HYCC1: variants seen among roughly 807,000 people sequenced by gnomAD.
HYCC1 encodes the protein hyccin.
the HYCC1 span, among the ~76,000 whole-genome samples, chr7:22,985,036 CT>C: frequency 6.6e-6 from 1 of 152,034 alleles, no homozygotes; most frequent in Non-Finnish European, 1.5e-5. Context: ...AAAACCTTTC[CT>C]TCTGGAGCAC....
At chr7:22,910,210 C>T in the HYCC1 span, among the ~76,000 whole-genome samples, 1 of 152,166 alleles carries the variant, frequency 6.6e-6, no homozygotes, top group Non-Finnish European at 1.5e-5. Flanking sequence ...GGGAGGTATG[C>T]AGGTCATAGG....
At chr7:23,004,574 T>G in the HYCC1 span, among the ~76,000 whole-genome samples, 1 of 152,164 alleles carries the variant, frequency 6.6e-6, no homozygotes, top group Non-Finnish European at 1.5e-5. Flanking sequence ...TTAGTCTTAT[T>G]TTTCTTTACA....
chr7:22,964,302 A>G, the HYCC1 span: 2 of 713,032 alleles, frequency 2.8e-6, no homozygotes, highest in South Asian at 1.6e-5. Context: ...ATATTTCACA[A>G]AAAGTATGCA....
chr7:22,916,833 A>G, the HYCC1 span, among the ~76,000 whole-genome samples: 1 of 152,136 alleles, frequency 6.6e-6, no homozygotes. Context: ...AGCTGAACTC[A>G]TTGCCTTAAC....
At chr7:22,904,233 C>A in the HYCC1 span, among the ~76,000 whole-genome samples, 1 of 151,700 alleles carries the variant, frequency 6.6e-6, no homozygotes, top group Non-Finnish European at 1.5e-5. Flanking sequence ...AGATCGAGAC[C>A]ATCTTGGCTA....
At chr7:22,905,712 A>G in the HYCC1 span, among the ~76,000 whole-genome samples, 1 of 152,150 alleles carries the variant, frequency 6.6e-6, no homozygotes, top group Non-Finnish European at 1.5e-5. Flanking sequence ...TATACATGGC[A>G]TCATGCATTC....
chr7:22,926,360 A>T, the HYCC1 span, among the ~76,000 whole-genome samples: 2 of 152,192 alleles, frequency 1.3e-5, no homozygotes, highest in South Asian at 4.1e-4. Context: ...AATGGGCTAA[A>T]TGCTCCAATT....
the HYCC1 span, among the ~76,000 whole-genome samples, chr7:22,987,588 A>C: frequency 6.6e-6 from 1 of 152,194 alleles, no homozygotes; most frequent in Non-Finnish European, 1.5e-5. Context: ...GTCCATAGCT[A>C]GAGCAGACAA....
At chr7:22,918,604 CAAATGAAGAATCACTAAAG>C in the HYCC1 span, among the ~76,000 whole-genome samples, 1 of 152,166 alleles carries the variant, frequency 6.6e-6, no homozygotes, top group African/African-American at 2.4e-5. Context: ...TGGCCTGAAG[CAAATGAAGAATCACTAAAG>C]AAGTGAAAAT....
the HYCC1 span, among the ~76,000 whole-genome samples, chr7:22,971,090 T>C: frequency 6.6e-6 from 1 of 151,872 alleles, no homozygotes; most frequent in African/African-American, 2.4e-5. Flanking sequence ...ATTCTCATTC[T>C]CTGGTGAGAG....
the HYCC1 span, among the ~76,000 whole-genome samples, chr7:22,994,778 G>A: frequency 2.0e-5 from 3 of 152,092 alleles, no homozygotes; most frequent in African/African-American, 7.2e-5. Flanking sequence ...ACCACTGTCT[G>A]CTTTAGGTCC....
the HYCC1 span, chr7:22,943,876 G>A: frequency 5.2e-5 from 8 of 152,568 alleles, no homozygotes; most frequent in African/African-American, 1.7e-4. Context: ...TTCTGTTACT[G>A]GAGCTAAAAG....
At chr7:22,951,564 A>T in the HYCC1 span, among the ~76,000 whole-genome samples, 1 of 124,116 alleles carries the variant, frequency 8.1e-6, no homozygotes, top group African/African-American at 3.0e-5. Flanking sequence ...AGATATTTTA[A>T]ATGCCATACC....
the HYCC1 span, among the ~76,000 whole-genome samples, chr7:22,920,014 A>C: frequency 2.0e-5 from 3 of 152,198 alleles, no homozygotes; most frequent in Non-Finnish European, 4.4e-5. Flanking sequence ...TGAGAGTAAA[A>C]ATGCTGAAAA....
the HYCC1 span, among the ~76,000 whole-genome samples, chr7:22,918,975 C>G: frequency 6.6e-5 from 10 of 152,128 alleles, no homozygotes; most frequent in Admixed American, 6.5e-4. Context: ...GTCACAAAAA[C>G]ACACTCAAGC....
At chr7:22,908,193 C>T in the HYCC1 span, among the ~76,000 whole-genome samples, 1 of 152,294 alleles carries the variant, frequency 6.6e-6, no homozygotes, top group East Asian at 1.9e-4. Flanking sequence ...AGGCATAGTT[C>T]CATACAATGG....
At chr7:22,964,735 A>C in the HYCC1 span, among the ~76,000 whole-genome samples, 1 of 152,208 alleles carries the variant, frequency 6.6e-6, no homozygotes, top group Non-Finnish European at 1.5e-5. Context: ...AAGCTGAGGT[A>C]TGTTGATACA....
At chr7:22,948,958 G>A in the HYCC1 span, among the ~76,000 whole-genome samples, 4 of 151,902 alleles carry the variant, frequency 2.6e-5, no homozygotes, top group African/African-American at 7.3e-5. Flanking sequence ...CACTGCAACT[G>A]AGATAAAATC....
At chr7:22,964,516 TC>T in the HYCC1 span, 1 of 1,596,356 alleles carries the variant, frequency 6.3e-7, no homozygotes, top group Non-Finnish European at 8.6e-7. Context: ...GTCGAGGATA[TC>T]CACAAACACA....
Sources: gnomAD v4.1 joint callset for allele counts (sites outside exome capture counted in the v4.1 genomes callset) on GRCh38, gnomAD v4.1.1 for gene constraint, MANE v1.5 for transcripts, NCBI Gene and HGNC (gene_info 2026-07-23, HGNC 2026-07-21) for gene names.